SULT1A1: variants seen among roughly 807,000 people sequenced by gnomAD.
SULT1A1 encodes the protein sulfotransferase 1A1.
Under a neutral mutation model 36.8 loss-of-function variants are expected in SULT1A1, and 35 were observed. That is an observed-to-expected ratio of 0.95 (90% confidence interval 0.73 to 1.26). The LOEUF is 1.26. Ranked by LOEUF, SULT1A1 falls within the 50% of genes most tolerant of loss-of-function variation. The probability of loss-of-function intolerance (pLI) is 0.00; values close to 1 mark genes in which losing one functional copy is unlikely to be tolerated. For synonymous variants in SULT1A1, 119 were observed against 146.0 expected (o/e 0.82, Z 1.33); for missense variants, 309 against 383.0 (o/e 0.81, Z 1.61).
chr16:28,620,009 G>GTGTGTC (rs1303101544), intron 2 of SULT1A1: 51 of 1,447,814 alleles, frequency 3.5e-5, no homozygotes, highest in Admixed American at 3.1e-4. Flanking sequence ...GTGTGTGTGT[G>GTGTGTC]TGTATATACA....
rs202065838 is a variant in SULT1A1 at position 28,605,896 on chromosome 16, C to T, written c.813G>A (p.Ala271=). Residue 271 remains alanine, a synonymous_variant, in exon 8 of 8, where the codon GCG becomes GCA. Coordinates refer to ENST00000314752, the MANE Select transcript of SULT1A1 (RefSeq NM_001055.4). ...AGDWKTTFTV[A]QNERFDADYA... ...AGTCCGCATCGAAGCGCTCATTCTG[C>T]GCCACGGTGAAGGTGGTCTTCCAGT... is the stretch of plus-strand genomic sequence containing the variant. 266 of 1,608,784 alleles carry T rather than the reference C, an allele frequency of 1.7e-4. No individual in the cohort carries two copies. Among genetic ancestry groups the T allele is most frequent in the South Asian group, 6.4e-4 (58 of 90,822 alleles).
chr16:28,607,992 T>A (rs1445505706), intron 4 of SULT1A1: 39 of 194,446 alleles, frequency 2.0e-4, no homozygotes, highest in African/African-American at 8.7e-4. Flanking sequence ...ATATATTTAT[T>A]TATTTATTTA....
upstream of SULT1A1, chr16:28,611,249 C>T (rs1358481961): frequency 6.6e-6 from 1 of 152,100 alleles, no homozygotes; most frequent in Non-Finnish European, 1.5e-5. Flanking sequence ...ATACAAAATC[C>T]CAGGCAGCAG....
intron 4 of SULT1A1, chr16:28,607,647 AGAG>A (rs375054850): frequency 0.41 from 51,256 of 125,434 alleles, 9,685 homozygotes; most frequent in Admixed American, 0.5. Context: ...TTTGAGACAG[AGAG>A]TCTCAAAAAA....
At chr16:28,621,506 A>AAAAAGAAGAAG (rs1555485637) in intron 1 of SULT1A1, among the ~76,000 whole-genome samples, 2 of 42,406 alleles carry the variant, frequency 4.7e-5, no homozygotes, top group African/African-American at 1.1e-4. Flanking sequence ...AAAAAAAAAA[A>AAAAAGAAGAAG]AAGAAGAAGA....
At chr16:28,609,226 C>G in intron 1 of SULT1A1, 1 of 1,277,122 alleles carries the variant, frequency 7.8e-7, no homozygotes, top group South Asian at 1.5e-5. Context: ...TGTCTCCCTG[C>G]CAGCCAGCGC....
intron 1 of SULT1A1, chr16:28,609,512 C>A: frequency 1.1e-6 from 1 of 880,040 alleles, no homozygotes. Context: ...ACCTATAATC[C>A]CAGACCCTAG....
rs760828054 is a variant in SULT1A1, at chr16:28,610,042, T to C, written c.-116A>G. 6.3e-6 allele frequency: 8 copies of C among 1,276,176 alleles called. 1 individual carries two copies. Among genetic ancestry groups the C allele is most frequent in the South Asian group, 1.2e-5 (1 of 80,104 alleles). 79.1% of individuals were successfully genotyped at this position (1,276,176 alleles called of 1,614,324 possible). A position where few individuals can be genotyped will look rare whatever the true frequency, so the allele number is the denominator to read the frequency against. The stretch of plus-strand genomic sequence containing the variant: ...TGAGCTGAGGGTTTCCTAGGTCCAC[T>C]GTGGGAGGGATCTGGAGCCGGGGCT... On this transcript the variant is annotated 5_prime_UTR_variant, in exon 1 of 8. Coordinates refer to ENST00000314752, the MANE Select transcript of SULT1A1 (RefSeq NM_001055.4).
chr16:28,610,251 GTT>G (rs375498320), upstream of SULT1A1: 3 of 583,968 alleles, frequency 5.1e-6, no homozygotes, highest in Non-Finnish European at 7.1e-6. Flanking sequence ...GTTTTTGTAG[GTT>G]TTTTTTTTCT....
At chr16:28,621,506 A>AAAAAAAAAAAAAAG (rs1555485637) in intron 1 of SULT1A1, among the ~76,000 whole-genome samples, 3 of 42,458 alleles carry the variant, frequency 7.1e-5, no homozygotes, top group Non-Finnish European at 1.1e-4. Flanking sequence ...AAAAAAAAAA[A>AAAAAAAAAAAAAAG]AAGAAGAAGA....
upstream of SULT1A1, chr16:28,610,264 GTTTTTTTTTTTTTT>G (rs538720119): frequency 8.6e-5 from 30 of 349,478 alleles, no homozygotes; most frequent in Non-Finnish European, 1.2e-4. Flanking sequence ...TTTTTTTTCT[GTTTTTTTTTTTTTT>G]TTTTTTTTTT....
intron 2 of SULT1A1, among the ~76,000 whole-genome samples, chr16:28,617,046 C>T (rs541562093): frequency 3.3e-5 from 5 of 151,950 alleles, no homozygotes; most frequent in South Asian, 2.1e-4. Flanking sequence ...GACAGGGTCT[C>T]GCTGTGTTAC....
At chr16:28,606,546 C>G (rs191719670) in intron 6 of SULT1A1, among the ~76,000 whole-genome samples, 6 of 152,014 alleles carry the variant, frequency 3.9e-5, no homozygotes, top group Non-Finnish European at 5.9e-5. Context: ...TCCGTGGCCC[C>G]CCATGCAGCT....
intron 1 of SULT1A1, among the ~76,000 whole-genome samples, chr16:28,620,557 C>G (rs1334504018): frequency 1.9e-4 from 23 of 119,040 alleles, no homozygotes; most frequent in African/African-American, 7.1e-4. Flanking sequence ...TAGCAAGACC[C>G]TGTCTCAAAA....
upstream of SULT1A1, chr16:28,610,272 T>TTG (rs1307848903): frequency 4.8e-6 from 5 of 1,051,410 alleles, no homozygotes; most frequent in Non-Finnish European, 6.0e-6. Flanking sequence ...CTGTTTTTTT[T>TTG]TTTTTTTTTT....
Position 28,623,130 on chromosome 16 carries a change from C to T in SULT1A1, c.67+1G>A. ...CCCAGGTTCCCCCCCCGGCCCCTCACCGGCGTAGAAGGCCGAGACCGCGAT... is the reference window on the plus strand; with the variant it reads ...CCCAGGTTCCCCCCCCGGCCCCTCATCGGCGTAGAAGGCCGAGACCGCGAT... On this transcript the variant is annotated splice_donor_variant, in intron 1 of 5. Transcript: ENST00000350842. LOFTEE classifies it high-confidence loss of function. The T allele has an allele frequency of 4.5e-6, 7 of 1,542,114 alleles. No individual in the cohort carries two copies. Among genetic ancestry groups the T allele is most frequent in the East Asian group, 2.5e-5 (1 of 39,652 alleles).
chr16:28,619,843 ACATAT>A (rs1188847012), intron 2 of SULT1A1, among the ~76,000 whole-genome samples: 1 of 151,754 alleles, frequency 6.6e-6, no homozygotes, highest in Non-Finnish European at 1.5e-5. Context: ...GAAAATACAT[ACATAT>A]ATGTGTCAAT....
chr16:28,610,205 A>C (rs1438120965), upstream of SULT1A1: 5 of 1,283,574 alleles, frequency 3.9e-6, no homozygotes, highest in Non-Finnish European at 5.1e-6. Context: ...TGTAGAAAAC[A>C]GAAGAATGAA....
At chr16:28,617,507 C>A (rs1165851538) in intron 2 of SULT1A1, among the ~76,000 whole-genome samples, 1 of 151,764 alleles carries the variant, frequency 6.6e-6, no homozygotes, top group African/African-American at 2.4e-5. Flanking sequence ...CCACTAACAC[C>A]TAGGACAGCA....
Sources: allele counts gnomAD v4.1 joint callset (sites outside exome capture counted in the v4.1 genomes callset), GRCh38; gene constraint gnomAD v4.1.1; transcripts MANE v1.5; gene names NCBI Gene and HGNC (gene_info 2026-07-23, HGNC 2026-07-21).